Variants in HS3ST5 observed in about 807,000 individuals in gnomAD.
HS3ST5 encodes the protein heparan sulfate glucosamine 3-O-sulfotransferase 5.
HS3ST5 carries 10 observed loss-of-function variants against 25.4 expected under a neutral mutation model. That is an observed-to-expected ratio of 0.39 (90% CI 0.24 to 0.67). HS3ST5 has a LOEUF of 0.67. Among genes scored for constraint, HS3ST5 ranks in the 30% least tolerant of loss-of-function variants. The pLI is 0.44. For missense variants in HS3ST5, 324 were observed against 420.7 expected, an observed-to-expected ratio of 0.77 and a Z score of 2.01; for synonymous variants, 170 against 162.4, an observed-to-expected ratio of 1.05 and a Z score of -0.36.
chr6:114,274,520 C>T (rs1311307743), intron 1 of HS3ST5, among the ~76,000 whole-genome samples: 1 of 151,938 alleles, frequency 6.6e-6, no homozygotes, highest in Admixed American at 6.6e-5. Flanking sequence ...ATTTGAATGA[C>T]ACTCTTAAGC....
In HS3ST5 at chr6:114,168,375, T is replaced by G. The variant is rs1246627242; in HGVS notation, c.-57A>C. On this transcript the variant is annotated 5_prime_UTR_variant, in exon 3 of 5. Coordinates refer to ENST00000312719, the MANE Select transcript of HS3ST5 (RefSeq NM_153612.4). Reference sequence around the variant, plus strand: ...CCTACATTCAGACAGGTCCCTATTATTCCAGCGATGATTATCTTGTTGGCG... The same window carrying G: ...CCTACATTCAGACAGGTCCCTATTAGTCCAGCGATGATTATCTTGTTGGCG... The G allele has an allele frequency of 6.6e-6, 1 of 152,222 alleles. No homozygotes were observed. The highest frequency in any genetic ancestry group is 2.4e-5 in the African/African-American group (1 of 41,444). The allele number at this position is 152,222 out of a possible 1,614,324, so 9.4% of individuals were successfully genotyped here. A position where few individuals can be genotyped will look rare whatever the true frequency, so the allele number is the denominator to read the frequency against.
intron 1 of HS3ST5, among the ~76,000 whole-genome samples, chr6:114,255,129 C>T (rs1405867507): frequency 6.6e-6 from 1 of 152,176 alleles, no homozygotes. Context: ...AGTGGGGGTA[C>T]AGGCATTGAA....
chr6:114,266,962 G>T (rs770421829), intron 1 of HS3ST5, among the ~76,000 whole-genome samples: 11 of 152,192 alleles, frequency 7.2e-5, no homozygotes, highest in Non-Finnish European at 1.3e-4. Context: ...CATGTCTGCA[G>T]AGAACACTTG....
At chr6:114,180,703 T>C (rs140580995) in intron 2 of HS3ST5, among the ~76,000 whole-genome samples, 161 of 152,280 alleles carry the variant, frequency 1.1e-3, no homozygotes, top group African/African-American at 3.8e-3. Context: ...TGTGGAGACA[T>C]TTCTATCTTT....
chr6:114,125,960 G>T (rs974061616), intron 3 of HS3ST5, among the ~76,000 whole-genome samples: 1 of 152,110 alleles, frequency 6.6e-6, no homozygotes, highest in African/African-American at 2.4e-5. Flanking sequence ...CTCAGAGACC[G>T]CTCAGAAAAA....
intron 3 of HS3ST5, among the ~76,000 whole-genome samples, chr6:114,065,368 G>A (rs561915030): frequency 6.6e-6 from 1 of 152,296 alleles, no homozygotes; most frequent in East Asian, 1.9e-4. Flanking sequence ...TTAGACCTGC[G>A]TGCTTTGGGC....
At chr6:114,077,668 A>G (rs972376172) in intron 3 of HS3ST5, among the ~76,000 whole-genome samples, 2 of 152,172 alleles carry the variant, frequency 1.3e-5, no homozygotes, top group Non-Finnish European at 2.9e-5. Flanking sequence ...TTATAGTAAT[A>G]TTAGTTCTAT....
chr6:114,289,788 G>C (rs1419798277), intron 1 of HS3ST5, among the ~76,000 whole-genome samples: 1 of 152,078 alleles, frequency 6.6e-6, no homozygotes, highest in African/African-American at 2.4e-5. Context: ...AGATAGAGCT[G>C]AACTCAGGAA....
chr6:114,118,088 A>C (rs1409809313), intron 3 of HS3ST5, among the ~76,000 whole-genome samples: 2 of 152,160 alleles, frequency 1.3e-5, no homozygotes, highest in Non-Finnish European at 2.9e-5. Flanking sequence ...CCAACATTCA[A>C]AGAGGCCTTC....
intron 1 of HS3ST5, among the ~76,000 whole-genome samples, chr6:114,292,743 G>A (rs926125657): frequency 1.3e-5 from 2 of 152,112 alleles, no homozygotes; most frequent in Non-Finnish European, 1.5e-5. Context: ...AGGGCTTCCC[G>A]AAGATACCTG....
chr6:114,098,413 T>C (rs1462605369), intron 3 of HS3ST5, among the ~76,000 whole-genome samples: 1 of 150,344 alleles, frequency 6.7e-6, no homozygotes, highest in Non-Finnish European at 1.5e-5. Context: ...GTATTAATAT[T>C]ATATTAAATA....
intron 3 of HS3ST5, among the ~76,000 whole-genome samples, chr6:114,103,703 C>CTT (rs34593869): frequency 1.7e-4 from 22 of 128,754 alleles, no homozygotes; most frequent in South Asian, 7.4e-4. Context: ...TTTTCTTCTT[C>CTT]TTTTTTTTTT....
intron 3 of HS3ST5, among the ~76,000 whole-genome samples, chr6:114,099,793 A>G (rs1775632083): frequency 6.6e-6 from 1 of 152,126 alleles, no homozygotes; most frequent in Non-Finnish European, 1.5e-5. Context: ...GCTTTATCCC[A>G]GCTGAATCAG....
chr6:114,140,079 A>G (rs1267027277), intron 3 of HS3ST5, among the ~76,000 whole-genome samples: 1 of 152,204 alleles, frequency 6.6e-6, no homozygotes, highest in East Asian at 1.9e-4. Context: ...ATGGCATTAA[A>G]TAACACTGAA....
At chr6:114,241,539 T>A (rs1772127094) in intron 1 of HS3ST5, among the ~76,000 whole-genome samples, 1 of 152,226 alleles carries the variant, frequency 6.6e-6, no homozygotes, top group East Asian at 1.9e-4. Context: ...AATGTTGGGC[T>A]CTTATCAGGC....
chr6:114,316,189 A>G (rs1469437015), intron 1 of HS3ST5, among the ~76,000 whole-genome samples: 1 of 152,188 alleles, frequency 6.6e-6, no homozygotes, highest in Non-Finnish European at 1.5e-5. Flanking sequence ...GATCCTCCAT[A>G]ATGCCACCTT....
chr6:114,248,184 G>C (rs978846164), intron 1 of HS3ST5, among the ~76,000 whole-genome samples: 1 of 145,512 alleles, frequency 6.9e-6, no homozygotes, highest in African/African-American at 2.6e-5. Flanking sequence ...CTGGGTGACA[G>C]AGCGAGATTC....
chr6:114,265,382 G>A (rs769612834), intron 1 of HS3ST5, among the ~76,000 whole-genome samples: 2 of 152,094 alleles, frequency 1.3e-5, no homozygotes, highest in Non-Finnish European at 2.9e-5. Context: ...ACCTTCAGTG[G>A]GTTAATGAGT....
chr6:114,143,428 T>C (rs563274601), intron 3 of HS3ST5, among the ~76,000 whole-genome samples: 1 of 152,214 alleles, frequency 6.6e-6, no homozygotes, highest in Non-Finnish European at 1.5e-5. Flanking sequence ...GTGTTCTTTT[T>C]AGGAAGTTGT....
Sources: allele counts gnomAD v4.1 joint callset (sites outside exome capture counted in the v4.1 genomes callset), GRCh38; gene constraint gnomAD v4.1.1; transcripts MANE v1.5; gene names NCBI Gene and HGNC (gene_info 2026-07-23, HGNC 2026-07-21).